The following TSPAN7 variants were observed in gnomAD, a reference collection of about 807,000 sequenced individuals.
TSPAN7 encodes tetraspanin-7.
Under a neutral mutation model 17.6 loss-of-function variants are expected in TSPAN7, and 1 was observed. That is an observed-to-expected ratio of 0.06 (90% CI 0.02 to 0.27). TSPAN7 has a LOEUF of 0.27. TSPAN7 is among the 10% of genes least tolerant of loss of function. TSPAN7 has a pLI of 1.00. For missense variants in TSPAN7, 112 were observed against 201.7 expected (o/e 0.56, Z 2.69); for synonymous variants, 78 against 79.0 (o/e 0.99, Z 0.07).
chrX:38,637,376 G>A (rs1160978632), intron 1 of TSPAN7, among the ~76,000 whole-genome samples: 3 of 111,972 alleles, frequency 2.7e-5, no homozygotes, highest in African/African-American at 9.8e-5. Flanking sequence ...CGTTTTACAC[G>A]CTCAAGGCCA....
chrX:38,666,333 T>G, intron 2 of TSPAN7, 24 bp downstream of exon 2: 1 of 1,195,156 alleles, frequency 8.4e-7, no homozygotes, highest in South Asian at 1.8e-5. Flanking sequence ...AACATAATAC[T>G]GCTTTCTCAA....
chrX:38,677,031 G>T (rs1410497646), intron 5 of TSPAN7, among the ~76,000 whole-genome samples: 4 of 111,650 alleles, frequency 3.6e-5, no homozygotes, highest in Non-Finnish European at 3.8e-5. Context: ...ATATAACAGA[G>T]CTTCAGAAGG....
chrX:38,658,361 T>TA (rs2069717532), intron 1 of TSPAN7, among the ~76,000 whole-genome samples: 1 of 109,203 alleles, frequency 9.2e-6, no homozygotes, highest in African/African-American at 3.3e-5. Flanking sequence ...TTTTTTTTTT[T>TA]TAGAGATGGG....
intron 1 of TSPAN7, among the ~76,000 whole-genome samples, chrX:38,617,811 C>A (rs2147421406): frequency 8.9e-6 from 1 of 111,907 alleles, no homozygotes; most frequent in East Asian, 2.8e-4. Flanking sequence ...GAGGCTTACC[C>A]ATCCATTTGA....
chrX:38,616,660 A>G (rs1245487570), intron 1 of TSPAN7, among the ~76,000 whole-genome samples: 2 of 112,318 alleles, frequency 1.8e-5, no homozygotes, highest in Non-Finnish European at 3.8e-5. Context: ...AGCTTGATCT[A>G]TGGAGTACCC....
intron 1 of TSPAN7, among the ~76,000 whole-genome samples, chrX:38,657,058 G>T (rs775029889): frequency 8.9e-6 from 1 of 111,739 alleles, no homozygotes; most frequent in African/African-American, 3.2e-5. Flanking sequence ...AGAAACCTAA[G>T]TCTGTAAGCT....
intron 1 of TSPAN7, among the ~76,000 whole-genome samples, chrX:38,643,824 G>A (rs906323015): frequency 5.9e-4 from 66 of 111,475 alleles, no homozygotes; most frequent in African/African-American, 2.1e-3. Context: ...CAGCCTGGGC[G>A]ACAGAGCGAG....
intron 1 of TSPAN7, among the ~76,000 whole-genome samples, chrX:38,599,427 C>T (rs1331937049): frequency 9.0e-6 from 1 of 111,462 alleles, no homozygotes; most frequent in Admixed American, 9.5e-5. Context: ...CCTTTATCCT[C>T]TCTTGAATGT....
chrX:38,643,446 T>C (rs1339154008), intron 1 of TSPAN7, among the ~76,000 whole-genome samples: 3 of 110,457 alleles, frequency 2.7e-5, no homozygotes, highest in Admixed American at 9.6e-5. Flanking sequence ...CCAATTTTAC[T>C]AAGAAAAGCA....
intron 1 of TSPAN7, among the ~76,000 whole-genome samples, chrX:38,589,246 G>A (rs143036453): frequency 0.02 from 2,259 of 111,820 alleles, 51 homozygotes; most frequent in African/African-American, 0.062. Context: ...TACCAGATTT[G>A]TGTCCTGATA....
At chrX:38,607,139 C>G (rs895311293) in intron 1 of TSPAN7, among the ~76,000 whole-genome samples, 1 of 111,828 alleles carries the variant, frequency 8.9e-6, no homozygotes, top group Non-Finnish European at 1.9e-5. Flanking sequence ...CACCCCAGAA[C>G]TCGCATGTAT....
intron 1 of TSPAN7, among the ~76,000 whole-genome samples, chrX:38,584,631 CT>C (rs1193039971): frequency 3.6e-5 from 4 of 112,001 alleles, no homozygotes. Context: ...GTTTGAAAGA[CT>C]CTTTATGTTG....
In TSPAN7 at chrX:38,639,680, C is replaced by T. The variant is rs761303652; in HGVS notation, c.82-26441C>T. Among the ~76,000 whole-genome samples the T allele has an allele frequency of 2.4e-4, 26 of 107,674 alleles. 1 individual carries two copies. The East Asian group carries it at 7.5e-3, about 31-fold the overall frequency. The allele number at this position is 107,674 out of a possible 115,157, so 93.5% of individuals were successfully genotyped here. On this transcript the variant is annotated intron_variant, in intron 1 of 7. Coordinates refer to ENST00000378482, the MANE Select transcript of TSPAN7 (RefSeq NM_004615.4). Reference sequence around the variant, plus strand: ...GTAAATATGACCCGTTCTTGGGTTGCGGTTCTTATGGGATGGTTCTATTGC... The same window carrying T: ...GTAAATATGACCCGTTCTTGGGTTGTGGTTCTTATGGGATGGTTCTATTGC...
chrX:38,602,289 A>G (rs951070569), intron 1 of TSPAN7, among the ~76,000 whole-genome samples: 16 of 111,662 alleles, frequency 1.4e-4, no homozygotes, highest in Non-Finnish European at 2.5e-4. Context: ...TGTTTTAAGT[A>G]TAATACCTAA....
intron 1 of TSPAN7, among the ~76,000 whole-genome samples, chrX:38,639,268 T>C (rs1391790289): frequency 2.8e-5 from 3 of 109,012 alleles, no homozygotes; most frequent in Non-Finnish European, 5.7e-5. Context: ...TCTGTTGTCA[T>C]CCCCCTTTTA....
intron 1 of TSPAN7, among the ~76,000 whole-genome samples, chrX:38,653,205 C>T (rs999087653): frequency 9.0e-6 from 1 of 111,509 alleles, no homozygotes; most frequent in African/African-American, 3.3e-5. Flanking sequence ...ATAAGGAGCA[C>T]GGTACTGCTC....
chrX:38,565,195 G>C, intron 1 of TSPAN7, among the ~76,000 whole-genome samples: 1 of 111,783 alleles, frequency 8.9e-6, no homozygotes, highest in Non-Finnish European at 1.9e-5. Flanking sequence ...ATGCTAGGTA[G>C]TTTACAAAAA....
At chrX:38,681,666 C>G (rs1199503946) in intron 6 of TSPAN7, among the ~76,000 whole-genome samples, 3 of 111,478 alleles carry the variant, frequency 2.7e-5, no homozygotes, top group Non-Finnish European at 5.6e-5. Flanking sequence ...CTTTTTTGCT[C>G]TCTCTTAGTT....
At chrX:38,678,795 A>C (rs1256097571) in intron 5 of TSPAN7, among the ~76,000 whole-genome samples, 5 of 112,578 alleles carry the variant, frequency 4.4e-5, no homozygotes, top group Non-Finnish European at 9.4e-5. Flanking sequence ...GGAGTAAAAA[A>C]TAATGAGAAA....
Sources: gnomAD v4.1 joint callset for allele counts (sites outside exome capture counted in the v4.1 genomes callset) on GRCh38, gnomAD v4.1.1 for gene constraint, MANE v1.5 for transcripts, NCBI Gene and HGNC (gene_info 2026-07-23, HGNC 2026-07-21) for gene names.